Variants in VPS33A observed in about 807,000 individuals in gnomAD.
VPS33A encodes VPS33A core subunit of CORVET and HOPS complexes.
A neutral mutation model predicts 71.8 loss-of-function variants in VPS33A; 32 were observed. The ratio of observed to expected loss-of-function variants is 0.45; its 90% CI spans 0.34 to 0.60. The LOEUF (loss-of-function observed/expected upper bound fraction) is 0.60, where lower values mean the gene tolerates loss of function less well. Ranked by LOEUF, VPS33A falls within the 20% of genes least tolerant of loss-of-function variation. VPS33A has a pLI of 0.02. For missense variants in VPS33A, 625 were observed against 748.5 expected, an observed-to-expected ratio of 0.84 and a Z score of 1.92; for synonymous variants, 311 against 292.7, an observed-to-expected ratio of 1.06 and a Z score of -0.64.
Position 122,234,072 on chromosome 12 carries a change from ATAAG to A in VPS33A, c.1441-1108_1441-1105del, listed in dbSNP as rs745547566. On this transcript the variant is annotated intron_variant, in intron 11 of 12. Transcript: ENST00000267199. ...AAGACTGAAATTTAGAAACATTAGA[ATAAG>A]TAATAAATGTAAAGCAAAGTGCACC... Among the ~76,000 whole-genome samples the A allele has an allele frequency of 5.9e-5, 9 of 152,348 alleles. No homozygotes were observed. The East Asian group carries it at 7.7e-4, about 13-fold the overall frequency.
chr12:122,248,184 T>A (rs1954800801), intron 6 of VPS33A: 1 of 152,278 alleles, frequency 6.6e-6, no homozygotes, highest in Non-Finnish European at 1.5e-5. Context: ...AGTGCTGGGG[T>A]TACAGGAGTG....
At chr12:122,232,556 G>C in intron 12 of VPS33A, 129 bp from the exon 13 acceptor site, 3 of 1,121,200 alleles carry the variant, frequency 2.7e-6, no homozygotes, top group Non-Finnish European at 3.7e-6. Flanking sequence ...TGAAACCTAA[G>C]AATACTGATT....
At chr12:122,244,223 A>G (rs562213916) in intron 7 of VPS33A, among the ~76,000 whole-genome samples, 1 of 152,170 alleles carries the variant, frequency 6.6e-6, no homozygotes, top group South Asian at 2.1e-4. Flanking sequence ...CACAAGTTCT[A>G]TTATAGAGGA....
At chr12:122,252,244 A>G (rs975013892) in intron 4 of VPS33A, among the ~76,000 whole-genome samples, 7 of 152,006 alleles carry the variant, frequency 4.6e-5, no homozygotes, top group East Asian at 1.9e-4. Flanking sequence ...GCAACAGAGC[A>G]AGACCCCATC....
chr12:122,266,114 C>G (rs1166438979), intron 1 of VPS33A, among the ~76,000 whole-genome samples, 193 bp downstream of exon 1: 1 of 151,548 alleles, frequency 6.6e-6, no homozygotes, highest in Admixed American at 6.6e-5. Flanking sequence ...CACTCCGGCT[C>G]CAGGCTGTAC....
At position 122,239,749 on chromosome 12, in the gene VPS33A, C is replaced by CAAAAAAAAAAAA. The variant is rs5801475; in HGVS notation, c.1164+117_1164+128dup. The CAAAAAAAAAAAA allele has an allele frequency of 3.4e-3, 673 of 197,818 alleles. 142 individuals are homozygous for CAAAAAAAAAAAA. The highest frequency in any genetic ancestry group is 0.016 in the East Asian group (44 of 2,778). 12.3% of individuals were successfully genotyped at this position (197,818 alleles called of 1,614,324 possible). A position where few individuals can be genotyped will look rare whatever the true frequency, so the allele number is the denominator to read the frequency against. The stretch of plus-strand genomic sequence containing the variant: ...GGTGACACACAGTGAGACTCCGTCT[C>CAAAAAAAAAAAA]AAAAAAAAAAAAAAAAAAAAAAAAA... On this transcript the variant is annotated intron_variant, in intron 9 of 12. Coordinates refer to ENST00000267199, the MANE Select transcript of VPS33A (RefSeq NM_022916.6).
intron 9 of VPS33A, 111 bp downstream of exon 9, chr12:122,239,749 CAAAAAAAAAAAAAAAAAA>C (rs5801475): frequency 9.6e-5 from 19 of 197,796 alleles, no homozygotes; most frequent in East Asian, 3.6e-4. Context: ...GACTCCGTCT[CAAAAAAAAAAAAAAAAAA>C]AAAAAAAAAA....
chr12:122,252,716 C>T (rs1269132587), intron 4 of VPS33A: 3 of 152,318 alleles, frequency 2.0e-5, no homozygotes, highest in African/African-American at 7.2e-5. Flanking sequence ...GTGTCACTTA[C>T]TAGCTGTGCC....
In VPS33A at chr12:122,238,855, G is replaced by A. The variant is rs559838313; in HGVS notation, c.1165-131C>T. 118 of 1,037,944 alleles carry A rather than the reference G, an allele frequency of 1.1e-4. No individual in the cohort carries two copies. The African/African-American group carries it at 1.6e-3, about 14-fold the overall frequency. The allele number at this position is 1,037,944 out of a possible 1,614,324, so 64.3% of individuals were successfully genotyped here. A position where few individuals can be genotyped will look rare whatever the true frequency, so the allele number is the denominator to read the frequency against. ...TTGATGTTTATTATTATTTTTCAAA[G>A]TCCAATAAAGGAGATACGTGGGAAA... On this transcript the variant is annotated intron_variant, in intron 9 of 12. Coordinates refer to ENST00000267199, the MANE Select transcript of VPS33A (RefSeq NM_022916.6).
chr12:122,255,707 CAAAAAAAAAA>C (rs71082953), intron 4 of VPS33A, among the ~76,000 whole-genome samples: 2 of 35,470 alleles, frequency 5.6e-5, no homozygotes, highest in African/African-American at 1.3e-4. Flanking sequence ...GACTCCGTCT[CAAAAAAAAAA>C]AAAAAAAAAA....
At chr12:122,251,275 G>A (rs939064154) in intron 4 of VPS33A, among the ~76,000 whole-genome samples, 176 bp from the exon 5 acceptor site, 10 of 152,242 alleles carry the variant, frequency 6.6e-5, no homozygotes, top group African/African-American at 2.4e-4. Context: ...GTCAGACCAG[G>A]CGCTGAGGCT....
intron 9 of VPS33A, 99 bp downstream of exon 9, chr12:122,239,779 A>AAAAAAAAAAT: frequency 2.0e-6 from 1 of 507,358 alleles, no homozygotes; most frequent in East Asian, 4.2e-5. Context: ...AAAAAAAAAA[A>AAAAAAAAAAT]GGCAAGGCAT....
intron 10 of VPS33A, among the ~76,000 whole-genome samples, chr12:122,237,111 A>G (rs1157709392): frequency 6.6e-6 from 1 of 152,246 alleles, no homozygotes; most frequent in East Asian, 1.9e-4. Flanking sequence ...CTTAACTGTC[A>G]CTGGTAACAG....
At chr12:122,241,525 G>A (rs1156464103) in intron 8 of VPS33A, among the ~76,000 whole-genome samples, 2 of 150,420 alleles carry the variant, frequency 1.3e-5, no homozygotes, top group African/African-American at 2.4e-5. Context: ...GGCTGGTCTC[G>A]AATGCCTGAC....
At position 122,239,871 on chromosome 12, in the gene VPS33A, C is replaced by T; in HGVS notation, c.1164+7G>A. The T allele has an allele frequency of 6.2e-7, 1 of 1,603,834 alleles. No individual in the cohort carries two copies. ...TACTTGTTAAAGAGGTTTTTTTGTC[C>T]ACATACCTTATCAGTGTCTATTCCA... On this transcript the variant is annotated splice_region_variant and intron_variant, in intron 9 of 12. Transcript: ENST00000267199.
chr12:122,245,749 TTC>T, intron 6 of VPS33A, among the ~76,000 whole-genome samples: 2 of 152,330 alleles, frequency 1.3e-5, no homozygotes, highest in South Asian at 4.1e-4. Flanking sequence ...CCAGCCCACT[TTC>T]TGTTTTTGCA....
chr12:122,240,504 C>T (rs1384954890), intron 8 of VPS33A, among the ~76,000 whole-genome samples: 2 of 152,180 alleles, frequency 1.3e-5, no homozygotes, highest in Non-Finnish European at 2.9e-5. Flanking sequence ...GTACAGACCC[C>T]AGAATGAGCG....
chr12:122,233,477 C>T (rs965750472), intron 11 of VPS33A, among the ~76,000 whole-genome samples: 3 of 152,134 alleles, frequency 2.0e-5, no homozygotes, highest in Non-Finnish European at 1.5e-5. Context: ...CCACCTGCCT[C>T]GGCCTCCCAA....
In VPS33A at chr12:122,242,500, G is replaced by C; in HGVS notation, c.978C>G (p.His326Gln). Reference sequence around the variant, plus strand: ...TGATCTCCCCCACGGTCTTAGCATTGTGTCTTTCCTGAAATAAACAAGAGA... The same window carrying C: ...TGATCTCCCCCACGGTCTTAGCATTCTGTCTTTCCTGAAATAAACAAGAGA... ...KIISAAFEERHNAKTVGEIKQ... is the reference protein window; with the variant it reads ...KIISAAFEERQNAKTVGEIKQ... The change falls in exon 8 of 13, where the codon CAC becomes CAG. Residue 326 changes from histidine (H) to glutamine (Q), a missense_variant. By Grantham distance (24) the His-to-Gln change is conservative. Transcript: ENST00000267199. 6.2e-7 allele frequency: 1 copy of C among 1,609,934 alleles called. No individual in the cohort carries two copies. Among genetic ancestry groups the C allele is most frequent in the Non-Finnish European group, 8.5e-7 (1 of 1,176,694 alleles).
Sources: allele counts gnomAD v4.1 joint callset (sites outside exome capture counted in the v4.1 genomes callset), GRCh38; gene constraint gnomAD v4.1.1; transcripts MANE v1.5; gene names NCBI Gene and HGNC (gene_info 2026-07-23, HGNC 2026-07-21).